Variants in ATXN2 observed in about 807,000 individuals in gnomAD.
The protein encoded by ATXN2 is ataxin-2.
Under a neutral mutation model 138.6 loss-of-function variants are expected in ATXN2, and 37 were observed. The observed-to-expected ratio is 0.27, with a 90% CI of 0.21 to 0.35. ATXN2 has a LOEUF of 0.35. Ranked by LOEUF, ATXN2 falls within the 10% of genes least tolerant of loss-of-function variation. The pLI is 1.00. For synonymous variants in ATXN2, 549 were observed against 543.7 expected (o/e 1.01, Z -0.13); for missense variants, 1,216 against 1,480.3 (o/e 0.82, Z 2.93).
rs117168073 is a variant in ATXN2, at chr12:111,458,705, C to A, written c.2897-1346G>T. On this transcript the variant is annotated intron_variant, in intron 21 of 24. Coordinates refer to ENST00000673436, the MANE Select transcript of ATXN2 (RefSeq NM_001372574.1). ...TCTTCATATAACGTGTTAGCAAACA[C>A]AGACATATGCAGGACTGATTGGTGA... Among the ~76,000 whole-genome samples, 597 of 152,316 alleles carry A rather than the reference C, an allele frequency of 3.9e-3. 3 individuals carry two copies. Among genetic ancestry groups the A allele is most frequent in the South Asian group, 5.2e-3 (25 of 4,828 alleles).
chr12:111,591,393 G>A (rs1034093247), intron 1 of ATXN2, among the ~76,000 whole-genome samples: 8 of 152,114 alleles, frequency 5.3e-5, no homozygotes, highest in East Asian at 1.9e-4. Context: ...GAGGGGGCTC[G>A]GTGCAGTGGC....
intron 14 of ATXN2, among the ~76,000 whole-genome samples, chr12:111,498,114 T>C (rs1329122668): frequency 3.3e-5 from 5 of 151,990 alleles, no homozygotes; most frequent in Admixed American, 6.6e-5. Flanking sequence ...ACTAGTACCA[T>C]ACTGAAAAGG....
chr12:111,578,137 C>T (rs1883784801), intron 1 of ATXN2, among the ~76,000 whole-genome samples: 1 of 152,100 alleles, frequency 6.6e-6, no homozygotes, highest in Non-Finnish European at 1.5e-5. Context: ...GCAGAGACTG[C>T]AGTGAGCCAA....
At chr12:111,492,317 C>CATGTAT (rs1383399379) in intron 14 of ATXN2, among the ~76,000 whole-genome samples, 1 of 152,210 alleles carries the variant, frequency 6.6e-6, no homozygotes, top group Non-Finnish European at 1.5e-5. Context: ...CCCTCTAATG[C>CATGTAT]ATGTATGGCT....
chr12:111,536,251 T>G (rs933697063), intron 5 of ATXN2, among the ~76,000 whole-genome samples: 1 of 152,332 alleles, frequency 6.6e-6, no homozygotes, highest in East Asian at 1.9e-4. Flanking sequence ...AATATTTGCC[T>G]TGGTGGAAGA....
At chr12:111,483,325 G>A (rs1877393292) in intron 18 of ATXN2, among the ~76,000 whole-genome samples, 1 of 150,606 alleles carries the variant, frequency 6.6e-6, no homozygotes, top group Non-Finnish European at 1.5e-5. Context: ...ATTGGGCACT[G>A]AGAAATGTCT....
At chr12:111,533,481 T>C (rs1880960706) in intron 5 of ATXN2, among the ~76,000 whole-genome samples, 1 of 152,156 alleles carries the variant, frequency 6.6e-6, no homozygotes, top group Non-Finnish European at 1.5e-5. Flanking sequence ...TCTGTACATG[T>C]TCAGTATAGA....
chr12:111,496,637 A>G (rs566100866), intron 14 of ATXN2, among the ~76,000 whole-genome samples: 9 of 152,294 alleles, frequency 5.9e-5, no homozygotes, highest in African/African-American at 1.7e-4. Context: ...CTCCTGAATG[A>G]CCAGTGGGTC....
At chr12:111,457,103 C>G in intron 22 of ATXN2, 111 bp downstream of exon 22, 1 of 1,327,756 alleles carries the variant, frequency 7.5e-7, no homozygotes, top group Non-Finnish European at 1.0e-6. Flanking sequence ...TCCATCTTCA[C>G]GAGGGTGGAC....
intron 14 of ATXN2, among the ~76,000 whole-genome samples, chr12:111,498,842 T>TA (rs1592835145): frequency 1.3e-5 from 2 of 151,946 alleles, no homozygotes; most frequent in Non-Finnish European, 2.9e-5. Context: ...GGTACTGGCA[T>TA]AAAAAAAGAT....
At chr12:111,482,190 ATTTTT>A (rs1164424839) in intron 18 of ATXN2, among the ~76,000 whole-genome samples, 4 of 101,356 alleles carry the variant, frequency 3.9e-5, no homozygotes, top group African/African-American at 4.0e-5. Context: ...TTTCTCTACT[ATTTTT>A]TTTTTTTTTT....
At chr12:111,579,316 G>A (rs1883852843) in intron 1 of ATXN2, among the ~76,000 whole-genome samples, 1 of 152,266 alleles carries the variant, frequency 6.6e-6, no homozygotes, top group African/African-American at 2.4e-5. Context: ...AGGCTGGAGT[G>A]CAATGGTGCA....
intron 18 of ATXN2, among the ~76,000 whole-genome samples, chr12:111,483,148 CT>C (rs1877367783): frequency 6.6e-6 from 1 of 150,622 alleles, no homozygotes; most frequent in Non-Finnish European, 1.5e-5. Flanking sequence ...GATAGCGCCA[CT>C]GCGTTCCAGC....
In ATXN2 at chr12:111,498,346, A is replaced by G. The variant is rs1020382040; in HGVS notation, c.1936-9566T>C. The stretch of plus-strand genomic sequence containing the variant: ...CCTAGACTCCAAAAAAGAAAAACCT[A>G]TTAGAACTGACAAACAAATTCAGTA... On this transcript the variant is annotated intron_variant, in intron 14 of 24. Coordinates refer to ENST00000673436, the MANE Select transcript of ATXN2 (RefSeq NM_001372574.1). Among the ~76,000 whole-genome samples the G allele has an allele frequency of 2.6e-5, 4 of 152,236 alleles. No individual in the cohort carries two copies. In the South Asian group the frequency reaches 8.3e-4, roughly 31 times the overall value.
intron 9 of ATXN2, among the ~76,000 whole-genome samples, 182 bp downstream of exon 9, chr12:111,518,067 T>C (rs1369158690): frequency 1.3e-5 from 2 of 152,200 alleles, no homozygotes; most frequent in Non-Finnish European, 2.9e-5. Flanking sequence ...GTCAATGACA[T>C]ATACAATGTT....
Position 111,598,632 on chromosome 12 carries a change from C to G in ATXN2, c.251+152G>C. The G allele has an allele frequency of 1.1e-6, 1 of 937,322 alleles. No individual in the cohort carries two copies. Among genetic ancestry groups the G allele is most frequent in the Non-Finnish European group, 1.3e-6 (1 of 786,120 alleles). 58.1% of individuals were successfully genotyped at this position (937,322 alleles called of 1,614,324 possible). A position where few individuals can be genotyped will look rare whatever the true frequency, so the allele number is the denominator to read the frequency against. ...CCGGCTGCGCCCACCGGCCGAGCCT[C>G]GGGGCTCAGGCCCGAGCGAGTCTCC... On this transcript the variant is annotated intron_variant, in intron 1 of 24. Transcript: ENST00000673436. This position sits in a 1 kb window ranked among gnomAD's most constrained non-coding sequence, Gnocchi z 4.5.
At chr12:111,486,527 A>C (rs1455229215) in intron 16 of ATXN2, among the ~76,000 whole-genome samples, 1 of 152,214 alleles carries the variant, frequency 6.6e-6, no homozygotes, top group East Asian at 1.9e-4. Flanking sequence ...CCATCGTCAA[A>C]TTCTGGGTCA....
intron 1 of ATXN2, chr12:111,581,521 C>A: frequency 9.8e-7 from 1 of 1,021,982 alleles, no homozygotes; most frequent in Non-Finnish European, 1.6e-6. Flanking sequence ...TGATCCCCAT[C>A]CACAGCGAGA....
At chr12:111,596,237 C>G (rs1002030564) in intron 1 of ATXN2, among the ~76,000 whole-genome samples, 2 of 141,148 alleles carry the variant, frequency 1.4e-5, no homozygotes, top group African/African-American at 6.4e-5. Flanking sequence ...CACACACACA[C>G]ACACACACAA....
Sources: gnomAD v4.1 joint callset for allele counts (sites outside exome capture counted in the v4.1 genomes callset) on GRCh38, gnomAD v4.1.1 for gene constraint, Gnocchi (gnomAD v3.1) non-coding constraint, MANE v1.5 for transcripts, NCBI Gene and HGNC (gene_info 2026-07-23, HGNC 2026-07-21) for gene names.